NRXN1: variants seen among roughly 807,000 people sequenced by gnomAD.
The protein encoded by NRXN1 is neurexin-1.
In NRXN1, 39 loss-of-function variants were observed where a neutral mutation model predicts 150.9. The observed-to-expected ratio is 0.26, with a 90% CI of 0.20 to 0.34. The LOEUF (loss-of-function observed/expected upper bound fraction) is 0.34, where lower values mean the gene tolerates loss of function less well. Among genes scored for constraint, NRXN1 ranks in the 10% least tolerant of loss-of-function variants. NRXN1 has a pLI of 1.00. For synonymous variants in NRXN1, 924 were observed against 757.0 expected, an observed-to-expected ratio of 1.22 and a Z score of -3.62; for missense variants, 1,815 against 1,949.9, an observed-to-expected ratio of 0.93 and a Z score of 1.30.
rs34749359 is a variant in NRXN1, at chr2:49,974,755, C to CTTTT, written c.4129-30968_4129-30965dup. 2.1e-5 allele frequency among the ~76,000 whole-genome samples: 3 copies of CTTTT among 141,754 alleles called. No individual in the cohort carries two copies. In the South Asian group the frequency reaches 6.7e-4, roughly 32 times the overall value. 93.0% of individuals were successfully genotyped at this position (141,754 alleles called of 152,430 possible). ...CAACATTAAGAAATACATTCTTAGG[C>CTTTT]TTTTTTTTTTTTGGCCAATTACAAC... On this transcript the variant is annotated intron_variant, in intron 21 of 22. Coordinates refer to ENST00000401669, the MANE Select transcript of NRXN1 (RefSeq NM_001330078.2).
chr2:50,065,747 TACCTCTA>T (rs1441550899), intron 19 of NRXN1, among the ~76,000 whole-genome samples: 1 of 152,148 alleles, frequency 6.6e-6, no homozygotes, highest in Admixed American at 6.6e-5. Flanking sequence ...TCCTTGTCTT[TACCTCTA>T]ACCTATAAGA....
intron 8 of NRXN1, among the ~76,000 whole-genome samples, chr2:50,563,466 A>G (rs1669411460): frequency 6.6e-6 from 1 of 152,202 alleles, no homozygotes; most frequent in African/African-American, 2.4e-5. Context: ...GCCCTGGTAG[A>G]GTTCCTTGTA....
intron 21 of NRXN1, among the ~76,000 whole-genome samples, chr2:49,956,138 C>G (rs889840217): frequency 6.6e-6 from 1 of 152,116 alleles, no homozygotes; most frequent in Non-Finnish European, 1.5e-5. Context: ...AGACAAATAT[C>G]TGGCCAATCA....
chr2:50,908,780 A>G (rs1220054228), intron 5 of NRXN1, among the ~76,000 whole-genome samples: 27 of 151,994 alleles, frequency 1.8e-4, no homozygotes, highest in Non-Finnish European at 1.5e-5. Context: ...AGATAAGGTC[A>G]TCAGTATGGA....
At chr2:50,193,134 T>C (rs1430840405) in intron 18 of NRXN1, among the ~76,000 whole-genome samples, 1 of 152,184 alleles carries the variant, frequency 6.6e-6, no homozygotes, top group Non-Finnish European at 1.5e-5. Flanking sequence ...TGTACCTAAT[T>C]AGTTAACAAG....
At chr2:50,761,564 T>A (rs1194183057) in intron 5 of NRXN1, among the ~76,000 whole-genome samples, 2 of 151,886 alleles carry the variant, frequency 1.3e-5, no homozygotes, top group Non-Finnish European at 2.9e-5. Context: ...TACCCAGACT[T>A]GGGTATTTCT....
chr2:50,861,476 G>A (rs1406265867), intron 5 of NRXN1, among the ~76,000 whole-genome samples: 1 of 152,068 alleles, frequency 6.6e-6, no homozygotes, highest in African/African-American at 2.4e-5. Flanking sequence ...TGGTTAGTTG[G>A]CAAATCCTGA....
At chr2:50,670,924 G>C (rs188366525) in intron 5 of NRXN1, among the ~76,000 whole-genome samples, 1 of 151,786 alleles carries the variant, frequency 6.6e-6, no homozygotes, top group Non-Finnish European at 1.5e-5. Flanking sequence ...GTTGGTGTCC[G>C]CTGTGTTACT....
intron 18 of NRXN1, among the ~76,000 whole-genome samples, chr2:50,209,364 C>T (rs1300337826): frequency 6.6e-6 from 1 of 152,110 alleles, no homozygotes. Context: ...TTATGCAATA[C>T]TTGTGGTGCA....
rs569321750 is a variant in NRXN1 at position 50,394,475 on chromosome 2, T to A, written c.3364+70967A>T. ...ATTAAAGAATATATTTAAATTCCGC[T>A]TTCTTCCACTCCACACCTCTAATCT... On this transcript the variant is annotated intron_variant, in intron 17 of 22. Coordinates refer to ENST00000401669, the MANE Select transcript of NRXN1 (RefSeq NM_001330078.2). 1.4e-4 allele frequency among the ~76,000 whole-genome samples: 22 copies of A among 152,198 alleles called. No individual in the cohort carries two copies. In the East Asian group the frequency reaches 4.3e-3, roughly 29 times the overall value.
chr2:50,435,267 G>A (rs1254587353), intron 17 of NRXN1, among the ~76,000 whole-genome samples: 1 of 152,006 alleles, frequency 6.6e-6, no homozygotes, highest in African/African-American at 2.4e-5. Context: ...CCTGCAAATC[G>A]GGGATAATTC....
At chr2:50,305,336 C>G (rs1356632944) in intron 17 of NRXN1, among the ~76,000 whole-genome samples, 5 of 152,130 alleles carry the variant, frequency 3.3e-5, no homozygotes, top group Non-Finnish European at 7.4e-5. Context: ...TCTTTTAAAA[C>G]TTGATGTACA....
chr2:50,246,468 TTTTG>T (rs1270761788), intron 17 of NRXN1, among the ~76,000 whole-genome samples: 3 of 152,072 alleles, frequency 2.0e-5, no homozygotes, highest in African/African-American at 7.2e-5. Context: ...GAACCTTAAC[TTTTG>T]TTTATTTCCT....
At chr2:49,985,455 C>T (rs538464587) in intron 21 of NRXN1, among the ~76,000 whole-genome samples, 8 of 152,028 alleles carry the variant, frequency 5.3e-5, no homozygotes, top group Non-Finnish European at 7.4e-5. Context: ...CTGGAAAAGA[C>T]GCTACTATGT....
chr2:50,730,538 A>G (rs1697958437), intron 5 of NRXN1, among the ~76,000 whole-genome samples: 1 of 152,124 alleles, frequency 6.6e-6, no homozygotes, highest in Admixed American at 6.5e-5. Context: ...GCAGCCTTCA[A>G]AAAGATAACC....
intron 5 of NRXN1, among the ~76,000 whole-genome samples, chr2:50,881,054 T>C (rs987230884): frequency 3.9e-5 from 6 of 151,984 alleles, no homozygotes; most frequent in Non-Finnish European, 7.4e-5. Flanking sequence ...ATCAACCATA[T>C]GAATTTATTA....
chr2:50,522,075 G>A (rs576129312), intron 12 of NRXN1, among the ~76,000 whole-genome samples: 10 of 152,074 alleles, frequency 6.6e-5, no homozygotes, highest in Middle Eastern at 3.2e-3. Context: ...GGAAGGCAGA[G>A]AAGAATACAG....
intron 19 of NRXN1, among the ~76,000 whole-genome samples, chr2:50,090,373 A>G (rs1699392151): frequency 6.6e-6 from 1 of 152,138 alleles, no homozygotes; most frequent in South Asian, 2.1e-4. Flanking sequence ...ATTGGGTAAA[A>G]TAGAAATGTA....
At chr2:50,841,215 A>C (rs1019530462) in intron 5 of NRXN1, 1 of 152,642 alleles carries the variant, frequency 6.6e-6, no homozygotes, top group Non-Finnish European at 1.5e-5. Flanking sequence ...CAACTTAAGC[A>C]GTATCTTCCA....
Sources: allele counts gnomAD v4.1 joint callset (sites outside exome capture counted in the v4.1 genomes callset), GRCh38; gene constraint gnomAD v4.1.1; transcripts MANE v1.5; gene names NCBI Gene and HGNC (gene_info 2026-07-23, HGNC 2026-07-21).